SKIC3: variants seen among roughly 807,000 people sequenced by gnomAD.
SKIC3 encodes the protein SKI3 subunit of superkiller complex, also known as superkiller complex protein 3.
the SKIC3 span, among the ~76,000 whole-genome samples, chr5:95,508,743 G>A: frequency 6.6e-6 from 1 of 152,210 alleles, no homozygotes; most frequent in African/African-American, 2.4e-5. Context: ...TGCTCCATGA[G>A]AACAGGGCCT....
chr5:95,520,205 T>A, the SKIC3 span, among the ~76,000 whole-genome samples: 6 of 151,886 alleles, frequency 4.0e-5, no homozygotes, highest in East Asian at 1.2e-3. Context: ...TACTCAAAAT[T>A]TTCTGATTCC....
chr5:95,543,456 ATTT>A, the SKIC3 span: 1 of 1,029,120 alleles, frequency 9.7e-7, no homozygotes, highest in Non-Finnish European at 1.5e-6. Flanking sequence ...TCAGAATGCC[ATTT>A]AACCTATCTG....
the SKIC3 span, chr5:95,517,084 T>C: frequency 1.2e-6 from 2 of 1,613,556 alleles, no homozygotes; most frequent in Non-Finnish European, 8.5e-7. Context: ...AAAGTGAATG[T>C]TTTTTGTTAC....
At chr5:95,525,386 A>G in the SKIC3 span, 3 of 1,611,740 alleles carry the variant, frequency 1.9e-6, no homozygotes, top group Non-Finnish European at 2.5e-6. Context: ...TGAGCAATTT[A>G]TATATCCTTA....
chr5:95,504,031 G>C, the SKIC3 span: 1 of 1,330,038 alleles, frequency 7.5e-7, no homozygotes, highest in Non-Finnish European at 1.0e-6. Context: ...AAGTTGGGCC[G>C]GACGCGGTGG....
chr5:95,523,571 T>G, the SKIC3 span: 2 of 1,465,042 alleles, frequency 1.4e-6, no homozygotes, highest in Non-Finnish European at 1.8e-6. Context: ...TAATGATAAC[T>G]TTCAAGTATA....
chr5:95,478,824 T>C, the SKIC3 span, among the ~76,000 whole-genome samples: 2 of 152,136 alleles, frequency 1.3e-5, no homozygotes, highest in African/African-American at 4.8e-5. Flanking sequence ...CCATTATTTT[T>C]TAAGAAAAAA....
At chr5:95,502,882 T>C in the SKIC3 span, 6 of 1,613,350 alleles carry the variant, frequency 3.7e-6, no homozygotes, top group Admixed American at 3.3e-5. Context: ...ATACATACCA[T>C]TTAAATAGCA....
the SKIC3 span, chr5:95,512,988 A>C: frequency 4.3e-6 from 1 of 234,702 alleles, no homozygotes. Context: ...TCCTTATCTC[A>C]TGTCTATCTT....
the SKIC3 span, among the ~76,000 whole-genome samples, chr5:95,473,411 A>G: frequency 6.6e-6 from 1 of 152,040 alleles, no homozygotes; most frequent in Admixed American, 6.6e-5. Flanking sequence ...CCTCCTAAGT[A>G]GCTGGGACTA....
chr5:95,505,740 G>A, the SKIC3 span, among the ~76,000 whole-genome samples: 1 of 151,760 alleles, frequency 6.6e-6, no homozygotes, highest in African/African-American at 2.4e-5. Context: ...TTGAACCCCA[G>A]AGGTGGAGGT....
the SKIC3 span, among the ~76,000 whole-genome samples, chr5:95,486,585 A>C: frequency 1.3e-5 from 2 of 152,168 alleles, no homozygotes; most frequent in African/African-American, 4.8e-5. Flanking sequence ...GCCTAAGGAC[A>C]GTCTACCTGG....
the SKIC3 span, chr5:95,528,841 G>A: frequency 1.5e-6 from 1 of 664,022 alleles, no homozygotes; most frequent in East Asian, 2.8e-5. Flanking sequence ...TAGTACACAT[G>A]CATGCAGACT....
the SKIC3 span, among the ~76,000 whole-genome samples, chr5:95,486,011 C>G: frequency 6.6e-6 from 1 of 152,124 alleles, no homozygotes; most frequent in South Asian, 2.1e-4. Context: ...ACCATGGACT[C>G]TGATAATTCT....
At chr5:95,537,211 C>CCT in the SKIC3 span, 2 of 1,280,962 alleles carry the variant, frequency 1.6e-6, no homozygotes, top group South Asian at 1.2e-5. Context: ...ATAAGACTCT[C>CCT]TTACACAAAC....
At chr5:95,550,595 TACC>T in the SKIC3 span, 5 of 152,380 alleles carry the variant, frequency 3.3e-5, no homozygotes, top group Non-Finnish European at 7.4e-5. Context: ...TACCAATTAT[TACC>T]ACCTCTATAT....
the SKIC3 span, among the ~76,000 whole-genome samples, chr5:95,482,188 A>G: frequency 2.0e-5 from 3 of 152,248 alleles, no homozygotes; most frequent in African/African-American, 7.2e-5. Flanking sequence ...TAAAATGTCT[A>G]TAACATATCA....
the SKIC3 span, among the ~76,000 whole-genome samples, chr5:95,530,918 C>T: frequency 6.6e-6 from 1 of 151,810 alleles, no homozygotes; most frequent in African/African-American, 2.4e-5. Flanking sequence ...ACAAAAGCAT[C>T]AAAACAAACA....
the SKIC3 span, chr5:95,507,131 CA>C: frequency 1.2e-6 from 1 of 844,152 alleles, no homozygotes; most frequent in East Asian, 2.6e-5. Flanking sequence ...GTGCTAGTTA[CA>C]ATAGCTTATT....
Sources: allele counts gnomAD v4.1 joint callset (sites outside exome capture counted in the v4.1 genomes callset), GRCh38; gene constraint gnomAD v4.1.1; transcripts MANE v1.5; gene names NCBI Gene and HGNC (gene_info 2026-07-23, HGNC 2026-07-21).